The following MOK variants were observed in gnomAD, a reference collection of about 807,000 sequenced individuals.
MOK encodes the protein MAPK/MAK/MRK overlapping kinase.
MOK carries 59 observed loss-of-function variants against 54.2 expected under a neutral mutation model. The ratio of observed to expected loss-of-function variants is 1.09; its 90% CI spans 0.88 to 1.35. MOK has a LOEUF of 1.35. MOK is among the 40% of genes most tolerant of loss of function. The pLI is 0.00. For missense variants in MOK, 517 were observed against 526.2 expected (o/e 0.98, Z 0.17); for synonymous variants, 210 against 202.7 (o/e 1.04, Z -0.31).
intron 3 of MOK, chr14:102,264,698 A>G (rs2067758368): frequency 6.6e-6 from 1 of 152,276 alleles, no homozygotes; most frequent in Non-Finnish European, 1.5e-5. Flanking sequence ...GCTACAGGAC[A>G]GGAACCCACA....
At chr14:102,287,925 C>T (rs2153178700) in intron 1 of MOK, among the ~76,000 whole-genome samples, 1 of 150,270 alleles carries the variant, frequency 6.7e-6, no homozygotes, top group Middle Eastern at 3.4e-3. Flanking sequence ...CTCTCCGCTT[C>T]CCGGGTTCAC....
At chr14:102,254,610 A>G (rs899223300) in intron 4 of MOK, among the ~76,000 whole-genome samples, 3 of 151,982 alleles carry the variant, frequency 2.0e-5, no homozygotes, top group African/African-American at 7.3e-5. Context: ...CCTCTCCACC[A>G]AAAGGGTTCT....
chr14:102,253,997 T>C (rs1030417631), intron 4 of MOK, among the ~76,000 whole-genome samples: 10 of 152,250 alleles, frequency 6.6e-5, no homozygotes, highest in Admixed American at 5.2e-4. Flanking sequence ...TTTTCTTTTT[T>C]TTTTTGGGAC....
intron 4 of MOK, 87 bp downstream of exon 4, chr14:102,263,459 A>C: frequency 6.4e-6 from 6 of 943,040 alleles, no homozygotes; most frequent in Non-Finnish European, 8.0e-6. Context: ...CACTATGGTG[A>C]CTAATGATGT....
chr14:102,222,623 G>A (rs1435408193), downstream of MOK, among the ~76,000 whole-genome samples: 2 of 152,188 alleles, frequency 1.3e-5, no homozygotes, highest in Non-Finnish European at 2.9e-5. The surrounding 1 kb of genome is among the most constrained non-coding windows in gnomAD (Gnocchi z 4.4). Flanking sequence ...CCACAGTATT[G>A]CACCCAGCAG....
Position 102,280,514 on chromosome 14 carries a change from C to A in MOK, c.122+2964G>T, listed in dbSNP as rs149585630. ...GGCATGAGCCACCATGCTGGGCCAACCTGTGGGATGTGTTCTAATCAACTG... is the reference window on the plus strand; with the variant it reads ...GGCATGAGCCACCATGCTGGGCCAAACTGTGGGATGTGTTCTAATCAACTG... On this transcript the variant is annotated intron_variant, in intron 2 of 11. Transcript: ENST00000361847. 3.3e-5 allele frequency among the ~76,000 whole-genome samples: 5 copies of A among 152,248 alleles called. No individual in the cohort carries two copies. The East Asian group carries it at 7.7e-4, about 24-fold the overall frequency.
intron 7 of MOK, chr14:102,234,280 C>G (rs1318269399): frequency 6.3e-6 from 1 of 159,480 alleles, no homozygotes; most frequent in African/African-American, 2.4e-5. Flanking sequence ...CCTATCACCC[C>G]TCTCCTGGCC....
At chr14:102,276,489 T>A (rs35601191) in intron 2 of MOK, among the ~76,000 whole-genome samples, 47,652 of 151,560 alleles carry the variant, frequency 0.31, 9,934 homozygotes, top group African/African-American at 0.61. Context: ...ATAAATAAAT[T>A]AATTAATTAA....
intron 7 of MOK, among the ~76,000 whole-genome samples, chr14:102,244,892 T>C (rs529562053): frequency 3.5e-4 from 53 of 152,104 alleles, no homozygotes; most frequent in Non-Finnish European, 6.0e-4. Context: ...TCAGGAAAGG[T>C]AGAATGGAAC....
chr14:102,293,145 CAAAT>C (rs2070957031), intron 1 of MOK, among the ~76,000 whole-genome samples: 1 of 152,040 alleles, frequency 6.6e-6, no homozygotes, highest in East Asian at 1.9e-4. Context: ...AAACAAAAAA[CAAAT>C]GAACAAACAA....
intron 4 of MOK, chr14:102,260,809 T>A (rs1470436739): frequency 1.3e-5 from 2 of 152,126 alleles, no homozygotes; most frequent in African/African-American, 4.8e-5. Context: ...AAAATAAATA[T>A]AAATGTATCC....
intron 1 of MOK, among the ~76,000 whole-genome samples, chr14:102,292,733 C>G (rs999897234): frequency 6.0e-5 from 9 of 150,950 alleles, no homozygotes; most frequent in Admixed American, 1.3e-4. Context: ...TGTGCCATTA[C>G]ACTTAGAGAA....
chr14:102,251,446 G>T, intron 6 of MOK: 1 of 465,032 alleles, frequency 2.2e-6, no homozygotes. Flanking sequence ...AGACGGACCT[G>T]AGCTCAAATC....
At chr14:102,285,586 T>C (rs897329803) in intron 1 of MOK, among the ~76,000 whole-genome samples, 2 of 152,154 alleles carry the variant, frequency 1.3e-5, no homozygotes, top group African/African-American at 2.4e-5. Flanking sequence ...GTGAAAATGA[T>C]ACAATAATTG....
Position 102,232,285 on chromosome 14 carries a change from C to A in MOK, c.866+250G>T, listed in dbSNP as rs2064798478. Reference sequence around the variant, plus strand: ...GGATTACTACCTGTAGCCTTGGCATCAACCGCAAAGTGGACAGCCAGCCCC... The same window carrying A: ...GGATTACTACCTGTAGCCTTGGCATAAACCGCAAAGTGGACAGCCAGCCCC... On this transcript the variant is annotated intron_variant, in intron 9 of 11. Transcript: ENST00000361847. This position sits in a 1 kb window ranked among gnomAD's most constrained non-coding sequence, Gnocchi z 5.1. 2.2e-6 allele frequency: 1 copy of A among 447,198 alleles called. No individual in the cohort carries two copies. The highest frequency in any genetic ancestry group is 3.9e-6 in the Non-Finnish European group (1 of 255,180). The allele number at this position is 447,198 out of a possible 1,614,324, so 27.7% of individuals were successfully genotyped here.
chr14:102,254,870 A>G (rs1482114322), intron 4 of MOK, among the ~76,000 whole-genome samples: 2 of 152,220 alleles, frequency 1.3e-5, no homozygotes, highest in East Asian at 3.9e-4. Flanking sequence ...TAGTACCTAT[A>G]TTCATGATGT....
chr14:102,272,813 G>GA (rs1171536017), intron 2 of MOK, among the ~76,000 whole-genome samples: 1 of 152,112 alleles, frequency 6.6e-6, no homozygotes, highest in Admixed American at 6.6e-5. Context: ...TTGAAATGCT[G>GA]AACACTTCCC....
At chr14:102,257,709 T>C (rs922629229) in intron 4 of MOK, among the ~76,000 whole-genome samples, 49 of 152,366 alleles carry the variant, frequency 3.2e-4, no homozygotes, top group Non-Finnish European at 5.1e-4. Flanking sequence ...CTGGGCGCAG[T>C]GGCTCACGCC....
intron 1 of MOK, among the ~76,000 whole-genome samples, chr14:102,295,180 T>C (rs1399719859): frequency 5.9e-5 from 9 of 152,002 alleles, no homozygotes; most frequent in Non-Finnish European, 1.0e-4. Flanking sequence ...CCCACATTAT[T>C]GGGAATAGAG....
Sources: gnomAD v4.1 joint callset for allele counts (sites outside exome capture counted in the v4.1 genomes callset) on GRCh38, gnomAD v4.1.1 for gene constraint, Gnocchi (gnomAD v3.1) non-coding constraint, MANE v1.5 for transcripts, NCBI Gene and HGNC (gene_info 2026-07-23, HGNC 2026-07-21) for gene names.